MPPED1: variants seen among roughly 807,000 people sequenced by gnomAD.
MPPED1 encodes the protein metallophosphoesterase domain-containing protein 1.
Under a neutral mutation model 36.2 loss-of-function variants are expected in MPPED1, and 16 were observed. That is an observed-to-expected ratio of 0.44 (90% CI 0.30 to 0.67). The LOEUF is 0.67. MPPED1 is among the 30% of genes least tolerant of loss of function. MPPED1 has a pLI of 0.10. For missense variants in MPPED1, 307 were observed against 453.4 expected, an observed-to-expected ratio of 0.68 and a Z score of 2.93; for synonymous variants, 199 against 191.3, an observed-to-expected ratio of 1.04 and a Z score of -0.33.
intron 4 of MPPED1, among the ~76,000 whole-genome samples, chr22:43,495,347 TTGA>T (rs1569088478): frequency 1.9e-5 from 1 of 51,344 alleles, no homozygotes; most frequent in African/African-American, 9.7e-5. Flanking sequence ...GATGGAGGTG[TTGA>T]TGGAGGTGAT....
intron 3 of MPPED1, among the ~76,000 whole-genome samples, chr22:43,436,337 C>G (rs76461888): frequency 6.6e-6 from 1 of 152,160 alleles, no homozygotes; most frequent in Non-Finnish European, 1.5e-5. Context: ...CTTCCGCCTC[C>G]CCAGGGGCGT....
At chr22:43,472,810 G>A (rs559699432) in intron 3 of MPPED1, among the ~76,000 whole-genome samples, 82 of 152,332 alleles carry the variant, frequency 5.4e-4, no homozygotes, top group African/African-American at 1.9e-3. Flanking sequence ...GACGGCACAG[G>A]TCTCATCTAG....
chr22:43,505,553 T>C lies in MPPED1; in HGVS notation c.918T>C (p.Thr306=), dbSNP rs1379717210. Residue 306 remains threonine, a synonymous_variant, in exon 7 of 7, where the codon ACT becomes ACC. Transcript: ENST00000443721. ...TTTYVNASVC[T]VNYQPVNPPI... ...CCTATGTGAATGCGTCCGTATGCAC[T>C]GTGAACTACCAGCCCGTGAACCCGC... 6.2e-7 allele frequency: 1 copy of C among 1,612,866 alleles called. No individual in the cohort carries two copies. The highest frequency in any genetic ancestry group is 1.3e-5 in the African/African-American group (1 of 74,876).
chr22:43,441,267 C>A (rs1243797128), intron 3 of MPPED1, among the ~76,000 whole-genome samples: 1 of 152,196 alleles, frequency 6.6e-6, no homozygotes, highest in Non-Finnish European at 1.5e-5. Flanking sequence ...TATGTCCCCT[C>A]TCCTTTCCCT....
At chr22:43,498,373 C>T in intron 5 of MPPED1, 23 bp downstream of exon 5, 1 of 1,521,436 alleles carries the variant, frequency 6.6e-7, no homozygotes, top group Admixed American at 2.0e-5. Context: ...TGGCCTGGCC[C>T]TCCAGCTCGC....
At chr22:43,501,436 G>A (rs537570786) in intron 5 of MPPED1, among the ~76,000 whole-genome samples, 5 of 150,068 alleles carry the variant, frequency 3.3e-5, no homozygotes, top group South Asian at 2.1e-4. Context: ...ACATGGTGTC[G>A]TTTGGCTTCC....
chr22:43,463,998 TC>T (rs1931072782), intron 3 of MPPED1, among the ~76,000 whole-genome samples: 3 of 151,896 alleles, frequency 2.0e-5, no homozygotes, highest in African/African-American at 7.3e-5. Context: ...AACCTCCGCC[TC>T]CCAGGTTCAA....
intron 4 of MPPED1, among the ~76,000 whole-genome samples, chr22:43,489,550 G>A (rs971377446): frequency 1.3e-5 from 2 of 150,816 alleles, no homozygotes; most frequent in African/African-American, 2.4e-5. Flanking sequence ...ATGGAGTCTC[G>A]CTCTGTCGCC....
At chr22:43,460,983 T>C (rs1348645088) in intron 3 of MPPED1, among the ~76,000 whole-genome samples, 1 of 152,244 alleles carries the variant, frequency 6.6e-6, no homozygotes, top group African/African-American at 2.4e-5. Context: ...GAAGCTGTGA[T>C]GTTAGACAAC....
At chr22:43,432,584 G>A (rs13057850) in intron 2 of MPPED1, among the ~76,000 whole-genome samples, 498 of 15,700 alleles carry the variant, frequency 0.032, no homozygotes, top group East Asian at 0.15. Flanking sequence ...GGAGAGAGAG[G>A]GAAAGAGGGA....
intron 1 of MPPED1, 24 bp from the exon 2 acceptor site, chr22:43,424,884 C>A: frequency 1.3e-6 from 2 of 1,499,048 alleles, no homozygotes; most frequent in South Asian, 1.2e-5. Context: ...TTAACTGTCG[C>A]ACGGTTCTGC....
chr22:43,412,074 GCCTCCCTCCCGGGAGCC>G lies in MPPED1; in HGVS notation c.-159_-143del. The stretch of plus-strand genomic sequence containing the variant: ...GCCGGAGGAGCCCCCGCCCCTGCGC[GCCTCCCTCCCGGGAGCC>G]CCTGCCTCCCTCGGTGCGCGCTGCT... On this transcript the variant is annotated 5_prime_UTR_variant, in exon 1 of 7. Transcript: ENST00000443721. 1 of 979,476 alleles carries G rather than the reference GCCTCCCTCCCGGGAGCC, an allele frequency of 1.0e-6. No individual in the cohort carries two copies. The highest frequency in any genetic ancestry group is 1.2e-6 in the Non-Finnish European group (1 of 827,566). The allele number at this position is 979,476 out of a possible 1,614,324, so 60.7% of individuals were successfully genotyped here. A position where few individuals can be genotyped will look rare whatever the true frequency, so the allele number is the denominator to read the frequency against.
intron 1 of MPPED1, among the ~76,000 whole-genome samples, chr22:43,424,287 A>T (rs1410858720): frequency 6.6e-6 from 1 of 152,146 alleles, no homozygotes; most frequent in Non-Finnish European, 1.5e-5. Flanking sequence ...ACCATCCCTG[A>T]GCCAGTGGGT....
chr22:43,462,867 A>G (rs945294115), intron 3 of MPPED1, among the ~76,000 whole-genome samples: 4 of 152,128 alleles, frequency 2.6e-5, no homozygotes. Flanking sequence ...TCTGGGATCC[A>G]ATGGTTTCCT....
chr22:43,446,045 A>G (rs190335123), intron 3 of MPPED1, among the ~76,000 whole-genome samples: 12 of 131,620 alleles, frequency 9.1e-5, no homozygotes, highest in Non-Finnish European at 1.8e-4. Flanking sequence ...TGATTTTTCT[A>G]TTTTTTGTAG....
chr22:43,498,273 G>A lies in MPPED1; in HGVS notation c.671G>A (p.Arg224Gln). ...TACGGCTGGGGCTTCAACCTCCCGC[G>A]AGGCCAAGCCCTGCTGGAGAAATGG... ...WFYGWGFNLP[R>Q]GQALLEKWNL... Residue 224 changes from arginine to glutamine, a missense_variant, in exon 5 of 7, where the codon CGA becomes CAA. Physicochemically the swap from Arg to Gln is conservative, Grantham distance 43. This residue lies in a region of MPPED1 where 132 missense variants were observed against 212.3 expected (regional missense o/e 0.62). Coordinates refer to ENST00000443721, the MANE Select transcript of MPPED1 (RefSeq NM_001044370.2). 5.9e-6 allele frequency: 9 copies of A among 1,535,166 alleles called. No homozygotes were observed. The highest frequency in any genetic ancestry group is 7.9e-6 in the Non-Finnish European group (9 of 1,146,442).
At position 43,424,934 on chromosome 22, in the gene MPPED1, G is replaced by T; in HGVS notation, c.-52G>T. ...CTGTTTCCAGGTCTGGCGGGGGGCCGGGCTGCGGTGGCGGCAGCGGTGGGA... is the reference window on the plus strand; with the variant it reads ...CTGTTTCCAGGTCTGGCGGGGGGCCTGGCTGCGGTGGCGGCAGCGGTGGGA... On this transcript the variant is annotated 5_prime_UTR_variant, in exon 2 of 7. Transcript: ENST00000443721. 6.5e-7 allele frequency: 1 copy of T among 1,541,348 alleles called. No individual in the cohort carries two copies. Among genetic ancestry groups the T allele is most frequent in the African/African-American group, 1.4e-5 (1 of 72,968 alleles).
chr22:43,467,390 C>G (rs1931209795), intron 3 of MPPED1, among the ~76,000 whole-genome samples: 1 of 152,210 alleles, frequency 6.6e-6, no homozygotes, highest in Non-Finnish European at 1.5e-5. Flanking sequence ...TGGCTGTTGG[C>G]CCAGACATCT....
intron 4 of MPPED1, among the ~76,000 whole-genome samples, chr22:43,491,720 A>G (rs1263899669): frequency 2.1e-3 from 64 of 31,110 alleles, no homozygotes; most frequent in African/African-American, 3.2e-3. Context: ...TGGTGGTGAT[A>G]AAGATGATGC....
Sources: allele counts gnomAD v4.1 joint callset (sites outside exome capture counted in the v4.1 genomes callset), GRCh38; gene constraint gnomAD v4.1.1; regional missense constraint gnomAD v4.1.1; transcripts MANE v1.5; gene names NCBI Gene and HGNC (gene_info 2026-07-23, HGNC 2026-07-21).